The following SYT9 variants were observed in gnomAD, a reference collection of about 807,000 sequenced individuals.
The protein encoded by SYT9 is synaptotagmin-9.
In SYT9, 22 loss-of-function variants were observed where a neutral mutation model predicts 48.4. That is an observed-to-expected ratio of 0.45 (90% CI 0.32 to 0.65). The LOEUF (loss-of-function observed/expected upper bound fraction) is 0.65, where lower values mean the gene tolerates loss of function less well. Ranked by LOEUF, SYT9 falls within the 30% of genes least tolerant of loss-of-function variation. The pLI is 0.03. For missense variants in SYT9, 577 were observed against 622.0 expected, an observed-to-expected ratio of 0.93 and a Z score of 0.77; for synonymous variants, 265 against 245.0, an observed-to-expected ratio of 1.08 and a Z score of -0.76.
intron 3 of SYT9, among the ~76,000 whole-genome samples, chr11:7,399,271 G>T (rs1406876584): frequency 6.6e-6 from 1 of 152,144 alleles, no homozygotes; most frequent in Non-Finnish European, 1.5e-5. Flanking sequence ...CTGAAGTTCT[G>T]TGCTGAAAAT....
chr11:7,356,122 T>TA (rs1850016111), intron 3 of SYT9, among the ~76,000 whole-genome samples: 1 of 152,156 alleles, frequency 6.6e-6, no homozygotes, highest in Non-Finnish European at 1.5e-5. Flanking sequence ...ACTGATAATG[T>TA]ATTTGAGCCT....
At chr11:7,347,678 G>C (rs994444543) in intron 3 of SYT9, among the ~76,000 whole-genome samples, 4 of 152,140 alleles carry the variant, frequency 2.6e-5, no homozygotes, top group Non-Finnish European at 4.4e-5. Flanking sequence ...TAGAGGAAAA[G>C]GTTTCCTCTT....
At chr11:7,391,377 A>G (rs1270955143) in intron 3 of SYT9, among the ~76,000 whole-genome samples, 1 of 152,126 alleles carries the variant, frequency 6.6e-6, no homozygotes, top group Non-Finnish European at 1.5e-5. Context: ...TTGAGAAATC[A>G]TCAAACTGCT....
At chr11:7,294,268 A>G (rs1564850773) in intron 1 of SYT9, among the ~76,000 whole-genome samples, 1 of 152,148 alleles carries the variant, frequency 6.6e-6, no homozygotes, top group Non-Finnish European at 1.5e-5. Flanking sequence ...CATTAAATCT[A>G]TATCATTCCA....
upstream of SYT9, among the ~76,000 whole-genome samples, chr11:7,251,127 CACA>C (rs1847859470): frequency 6.6e-5 from 10 of 150,756 alleles, no homozygotes; most frequent in Admixed American, 6.6e-4. Context: ...CACACACACA[CACA>C]CACCCAGAGT....
intron 3 of SYT9, among the ~76,000 whole-genome samples, chr11:7,410,513 G>T (rs1184644130): frequency 6.6e-6 from 1 of 152,140 alleles, no homozygotes; most frequent in African/African-American, 2.4e-5. Context: ...TTATGAATCT[G>T]GGCACTCCAG....
chr11:7,266,228 C>T (rs926042122), intron 1 of SYT9, among the ~76,000 whole-genome samples: 6 of 152,106 alleles, frequency 3.9e-5, no homozygotes, highest in Non-Finnish European at 8.8e-5. Flanking sequence ...GTGACTGCTA[C>T]TTTAGATTTA....
chr11:7,239,680 A>C (rs1847720563), intron 1 of SYT9, among the ~76,000 whole-genome samples: 3 of 152,158 alleles, frequency 2.0e-5, no homozygotes, highest in Admixed American at 2.0e-4. Context: ...GCAGAGGGTG[A>C]TGGTGGTTCG....
intron 3 of SYT9, among the ~76,000 whole-genome samples, chr11:7,329,959 C>G (rs1222390233): frequency 6.6e-6 from 1 of 152,054 alleles, no homozygotes; most frequent in Non-Finnish European, 1.5e-5. Context: ...AAGAAGATAA[C>G]AGGGGATAGC....
At chr11:7,344,891 T>C (rs1849772784) in intron 3 of SYT9, among the ~76,000 whole-genome samples, 1 of 151,704 alleles carries the variant, frequency 6.6e-6, no homozygotes, top group Admixed American at 6.6e-5. Context: ...CTAGGTCTTT[T>C]GCATTTCCAT....
At chr11:7,424,684 T>C (rs1258939882) in intron 6 of SYT9, among the ~76,000 whole-genome samples, 1 of 152,162 alleles carries the variant, frequency 6.6e-6, no homozygotes, top group African/African-American at 2.4e-5. Flanking sequence ...GATCAGAATA[T>C]ATAGTCAAGA....
chr11:7,390,513 G>A (rs1226549392), intron 3 of SYT9, among the ~76,000 whole-genome samples: 1 of 152,128 alleles, frequency 6.6e-6, no homozygotes, highest in Non-Finnish European at 1.5e-5. Context: ...TGGTTTAAAT[G>A]TTTATTAATA....
At chr11:7,379,412 A>G (rs561356848) in intron 3 of SYT9, among the ~76,000 whole-genome samples, 2 of 152,234 alleles carry the variant, frequency 1.3e-5, no homozygotes, top group South Asian at 4.1e-4. Flanking sequence ...ATTAAGCATT[A>G]TTATTCAACA....
In SYT9 at chr11:7,300,775, TC is replaced by T. The variant is rs374974260; in HGVS notation, c.146-2259del. Among the ~76,000 whole-genome samples the T allele has an allele frequency of 3.2e-4, 49 of 152,234 alleles. 1 individual carries two copies. The East Asian group carries it at 9.3e-3, about 29-fold the overall frequency. On this transcript the variant is annotated intron_variant, in intron 1 of 6. Transcript: ENST00000318881. ...TGGGACAGGGTTTCCTCCTTCGTGG[TC>T]CCCCAGCACTATCACCCATCACAGA...
chr11:7,440,540 AGCCACT>A (rs1375536765), intron 6 of SYT9: 1 of 152,226 alleles, frequency 6.6e-6, no homozygotes, highest in East Asian at 1.9e-4. Context: ...AACTCTTCAA[AGCCACT>A]GCTTCTCATG....
intron 3 of SYT9, among the ~76,000 whole-genome samples, chr11:7,330,497 G>T (rs1202444769): frequency 6.6e-6 from 1 of 152,078 alleles, no homozygotes; most frequent in Non-Finnish European, 1.5e-5. Context: ...ACTTTTTGAG[G>T]AGGAAAATAA....
At chr11:7,375,963 T>C (rs1287982570) in intron 3 of SYT9, among the ~76,000 whole-genome samples, 1 of 152,130 alleles carries the variant, frequency 6.6e-6, no homozygotes, top group Non-Finnish European at 1.5e-5. Context: ...CTTCGAGGTC[T>C]TCCCTGACCA....
At chr11:7,305,581 A>G (rs2133941064) in intron 2 of SYT9, among the ~76,000 whole-genome samples, 1 of 152,334 alleles carries the variant, frequency 6.6e-6, no homozygotes, top group South Asian at 2.1e-4. Context: ...CATTTTTAAC[A>G]TTCTTCTTTA....
chr11:7,451,557 G>A (rs999242996), intron 6 of SYT9, among the ~76,000 whole-genome samples: 2 of 152,140 alleles, frequency 1.3e-5, no homozygotes, highest in Non-Finnish European at 2.9e-5. Flanking sequence ...TTGGGTAGAG[G>A]CATCCACATC....
Sources: allele counts gnomAD v4.1 joint callset (sites outside exome capture counted in the v4.1 genomes callset), GRCh38; gene constraint gnomAD v4.1.1; transcripts MANE v1.5; gene names NCBI Gene and HGNC (gene_info 2026-07-23, HGNC 2026-07-21).